The following CTCFL variants were observed in gnomAD, a reference collection of about 807,000 sequenced individuals.
The protein encoded by CTCFL is CCCTC-binding factor like.
In CTCFL, 36 loss-of-function variants were observed where a neutral mutation model predicts 67.4. The ratio of observed to expected loss-of-function variants is 0.53; its 90% CI spans 0.41 to 0.71. CTCFL has a LOEUF of 0.71. CTCFL is among the 30% of genes least tolerant of loss of function. CTCFL has a pLI of 0.00. For missense variants in CTCFL, 786 were observed against 835.2 expected (o/e 0.94, Z 0.73); for synonymous variants, 324 against 302.3 (o/e 1.07, Z -0.75).
intron 9 of CTCFL, chr20:57,507,360 T>G: frequency 1.8e-6 from 1 of 562,722 alleles, no homozygotes; most frequent in Non-Finnish European, 3.2e-6. Context: ...CCTAGCTATT[T>G]TCTTTTTTTT....
intron 8 of CTCFL, among the ~76,000 whole-genome samples, chr20:57,511,123 C>T (rs1355499713): frequency 6.6e-6 from 1 of 152,136 alleles, no homozygotes; most frequent in Non-Finnish European, 1.5e-5. Context: ...CCTACTGCAG[C>T]CTCAACCTCC....
chr20:57,524,388 G>A, intron 1 of CTCFL, 172 bp from the exon 2 acceptor site: 2 of 1,438,772 alleles, frequency 1.4e-6, no homozygotes, highest in African/African-American at 1.4e-5. Context: ...GGGTCTAGGA[G>A]GGGGTCAAGG....
intron 8 of CTCFL, 46 bp downstream of exon 8, chr20:57,512,546 T>C (rs369875917): frequency 3.1e-6 from 5 of 1,587,658 alleles, no homozygotes; most frequent in African/African-American, 1.3e-5. Flanking sequence ...CAGCCCTCCA[T>C]TCTTCCATAC....
intron 9 of CTCFL, among the ~76,000 whole-genome samples, chr20:57,508,039 C>A (rs748818224): frequency 6.6e-6 from 1 of 152,100 alleles, no homozygotes; most frequent in Non-Finnish European, 1.5e-5. Flanking sequence ...AACTCCTGGG[C>A]TCAAGTGGTC....
downstream of CTCFL, chr20:57,496,316 C>A: frequency 1.5e-6 from 1 of 687,602 alleles, no homozygotes; most frequent in Non-Finnish European, 2.7e-6. Flanking sequence ...GAGGCCTCCC[C>A]AGAAGCCAGG....
chr20:57,508,450 T>TA (rs1313467144), intron 9 of CTCFL, among the ~76,000 whole-genome samples, 156 bp downstream of exon 9: 1 of 152,018 alleles, frequency 6.6e-6, no homozygotes, highest in Non-Finnish European at 1.5e-5. Context: ...TTTGTGATTT[T>TA]AAAAAACTAA....
intron 8 of CTCFL, among the ~76,000 whole-genome samples, chr20:57,510,845 G>A (rs918262822): frequency 3.9e-5 from 6 of 152,128 alleles, no homozygotes; most frequent in Non-Finnish European, 8.8e-5. Context: ...AACAGAGTGA[G>A]ACTCCGTCTA....
intron 4 of CTCFL, 46 bp downstream of exon 4, chr20:57,519,161 C>A: frequency 6.3e-7 from 1 of 1,588,470 alleles, no homozygotes. Context: ...TAACATAAGC[C>A]TTAACACACA....
intron 7 of CTCFL, chr20:57,513,707 C>A: frequency 8.4e-7 from 1 of 1,192,720 alleles, no homozygotes; most frequent in Non-Finnish European, 1.1e-6. Context: ...CTTTGTGGAA[C>A]ACCTTTCGCC....
intron 7 of CTCFL, among the ~76,000 whole-genome samples, chr20:57,514,089 C>T (rs1000314734): frequency 2.8e-4 from 42 of 152,212 alleles, no homozygotes; most frequent in Non-Finnish European, 3.7e-4. Flanking sequence ...CCTCCTTTCC[C>T]GAAGTGACTG....
At chr20:57,512,872 G>C in intron 7 of CTCFL, 120 bp from the exon 8 acceptor site, 1 of 888,070 alleles carries the variant, frequency 1.1e-6, no homozygotes, top group Non-Finnish European at 1.7e-6. Context: ...TTCCTTCCTG[G>C]GCAGGGCAGG....
chr20:57,514,508 G>A, intron 7 of CTCFL, 84 bp downstream of exon 7: 1 of 1,521,438 alleles, frequency 6.6e-7, no homozygotes, highest in Non-Finnish European at 9.0e-7. Flanking sequence ...CCAGTATCAG[G>A]GCCAGTACTT....
upstream of CTCFL, chr20:57,525,579 A>C (rs2146495660): frequency 2.6e-5 from 2 of 77,184 alleles, no homozygotes; most frequent in Non-Finnish European, 5.1e-5. Flanking sequence ...GGCCTGGGAG[A>C]TCTGAGGGGG....
At chr20:57,500,103 T>TTTC (rs2067842641) in intron 10 of CTCFL, 1 of 984,398 alleles carries the variant, frequency 1.0e-6, no homozygotes, top group African/African-American at 1.8e-5. Flanking sequence ...TTTTTTTTTT[T>TTTC]TGGTGGATGG....
intron 3 of CTCFL, among the ~76,000 whole-genome samples, chr20:57,521,586 G>A (rs893079830): frequency 1.5e-4 from 23 of 152,276 alleles, no homozygotes; most frequent in African/African-American, 4.3e-4. Context: ...CAAAAGGACT[G>A]GAAACAGGTG....
At chr20:57,515,863 C>A in intron 5 of CTCFL, 29 bp from the exon 6 acceptor site, 2 of 1,582,426 alleles carry the variant, frequency 1.3e-6, no homozygotes, top group East Asian at 2.3e-5. Flanking sequence ...ATGTTCGTTG[C>A]AATAGAAACT....
intron 8 of CTCFL, among the ~76,000 whole-genome samples, chr20:57,510,299 TAGAA>T (rs2068466394): frequency 6.6e-6 from 1 of 152,234 alleles, no homozygotes; most frequent in African/African-American, 2.4e-5. Context: ...TTTACTTTCT[TAGAA>T]AGCAAACCTG....
intron 1 of CTCFL, chr20:57,524,468 G>C: frequency 1.5e-6 from 2 of 1,302,988 alleles, no homozygotes; most frequent in South Asian, 1.8e-5. Context: ...GGCCTCAGCA[G>C]GCTTAGGGCC....
chr20:57,508,547 T>C (rs1014760876), intron 9 of CTCFL, 59 bp downstream of exon 9: 3 of 1,527,884 alleles, frequency 2.0e-6, no homozygotes, highest in Non-Finnish European at 1.8e-6. Flanking sequence ...TGTGACACTG[T>C]CCTCCTGAGA....
Sources: gnomAD v4.1 joint callset for allele counts (sites outside exome capture counted in the v4.1 genomes callset) on GRCh38, gnomAD v4.1.1 for gene constraint, MANE v1.5 for transcripts, NCBI Gene and HGNC (gene_info 2026-07-23, HGNC 2026-07-21) for gene names.